Variants in ADARB2 observed in about 807,000 individuals in gnomAD.
ADARB2 encodes adenosine deaminase RNA specific B2 (inactive).
A neutral mutation model predicts 62.2 loss-of-function variants in ADARB2; 25 were observed. The ratio of observed to expected loss-of-function variants is 0.40; its 90% confidence interval spans 0.29 to 0.56. The LOEUF (loss-of-function observed/expected upper bound fraction) is 0.56. Among genes scored for constraint, ADARB2 ranks in the 20% least tolerant of loss-of-function variants. The pLI is 0.43. For synonymous variants in ADARB2, 572 were observed against 500.8 expected, an observed-to-expected ratio of 1.14 and a Z score of -1.90; for missense variants, 1,071 against 1,077.4, an observed-to-expected ratio of 0.99 and a Z score of 0.08.
At chr10:1,185,661 CAG>C (rs1389726210) in intron 8 of ADARB2, among the ~76,000 whole-genome samples, 1 of 152,204 alleles carries the variant, frequency 6.6e-6, no homozygotes, top group Non-Finnish European at 1.5e-5. Context: ...TTCATGATGA[CAG>C]TGGGGCGTTA....
chr10:1,619,150 A>G (rs551014538), intron 1 of ADARB2, among the ~76,000 whole-genome samples: 14 of 152,356 alleles, frequency 9.2e-5, no homozygotes, highest in Admixed American at 2.6e-4. Flanking sequence ...CAGCCATATC[A>G]TTAGTTGCAT....
intron 1 of ADARB2, among the ~76,000 whole-genome samples, chr10:1,597,052 C>T (rs550043017): frequency 6.6e-6 from 1 of 152,192 alleles, no homozygotes; most frequent in African/African-American, 2.4e-5. Context: ...GAACTACCGA[C>T]CACAGTATTA....
chr10:1,570,324 TC>T (rs1227025997), intron 1 of ADARB2, among the ~76,000 whole-genome samples: 4 of 152,194 alleles, frequency 2.6e-5, no homozygotes, highest in East Asian at 3.9e-4. Flanking sequence ...TTGCTGTCTC[TC>T]CCCCTTGGCG....
chr10:1,711,975 T>C (rs759179177), intron 1 of ADARB2, among the ~76,000 whole-genome samples: 4 of 152,252 alleles, frequency 2.6e-5, no homozygotes, highest in Non-Finnish European at 4.4e-5. Context: ...GGGTAGCTTA[T>C]TCATTTAATG....
intron 1 of ADARB2, among the ~76,000 whole-genome samples, chr10:1,544,151 T>C (rs1056848126): frequency 6.6e-6 from 1 of 152,138 alleles, no homozygotes; most frequent in Non-Finnish European, 1.5e-5. Flanking sequence ...AGGACGGTCA[T>C]GAAACCCCAT....
intron 3 of ADARB2, among the ~76,000 whole-genome samples, chr10:1,285,797 T>A (rs1008608069): frequency 6.6e-6 from 1 of 152,202 alleles, no homozygotes; most frequent in African/African-American, 2.4e-5. Flanking sequence ...ATATTTTGAA[T>A]GGCATGAATA....
At chr10:1,473,027 T>C (rs975257218) in intron 1 of ADARB2, among the ~76,000 whole-genome samples, 2 of 152,132 alleles carry the variant, frequency 1.3e-5, no homozygotes, top group South Asian at 4.1e-4. Flanking sequence ...GGCTCAGGCG[T>C]GCACATGTGG....
At chr10:1,229,676 G>A (rs1830781380) in intron 6 of ADARB2, among the ~76,000 whole-genome samples, 1 of 23,034 alleles carries the variant, frequency 4.3e-5, no homozygotes, top group Admixed American at 2.6e-4. Flanking sequence ...ATATGCTTAT[G>A]TATGTGTTTG....
In ADARB2 at chr10:1,495,349, T is replaced by C. The variant is rs542225331; in HGVS notation, c.101-116189A>G. ...CAAGTAGTTCACGTTCACATTTATT[T>C]ACAAAACTCCTCGGAGGGTTTCTGC... On this transcript the variant is annotated intron_variant, in intron 1 of 9. Coordinates refer to ENST00000381312, the MANE Select transcript of ADARB2 (RefSeq NM_018702.4). Among the ~76,000 whole-genome samples, 9 of 152,372 alleles carry C rather than the reference T, an allele frequency of 5.9e-5. 1 individual carries two copies. The South Asian group carries it at 1.9e-3, about 32-fold the overall frequency.
chr10:1,639,938 G>A (rs1168165172), intron 1 of ADARB2, among the ~76,000 whole-genome samples: 1 of 152,150 alleles, frequency 6.6e-6, no homozygotes, highest in African/African-American at 2.4e-5. Flanking sequence ...GCCATGACCT[G>A]CCCTTCTAAC....
At chr10:1,685,126 G>T (rs375236400) in intron 1 of ADARB2, among the ~76,000 whole-genome samples, 8 of 152,332 alleles carry the variant, frequency 5.3e-5, no homozygotes, top group African/African-American at 1.9e-4. Flanking sequence ...AATGAAGCCA[G>T]ATTCTCTTTC....
intron 1 of ADARB2, among the ~76,000 whole-genome samples, chr10:1,548,033 T>C (rs1832552716): frequency 6.6e-6 from 1 of 152,090 alleles, no homozygotes; most frequent in East Asian, 1.9e-4. Flanking sequence ...GAATTTCTGT[T>C]TTCCCTCTGG....
At chr10:1,201,090 G>C (rs978981410) in intron 7 of ADARB2, among the ~76,000 whole-genome samples, 7 of 152,138 alleles carry the variant, frequency 4.6e-5, no homozygotes, top group Non-Finnish European at 7.3e-5. Context: ...GATACCAATT[G>C]CTTTAAAAAG....
intron 1 of ADARB2, among the ~76,000 whole-genome samples, chr10:1,644,523 A>T (rs1834014849): frequency 6.6e-6 from 1 of 152,290 alleles, no homozygotes; most frequent in Non-Finnish European, 1.5e-5. Context: ...CAAAACGTGC[A>T]CATGCTGGTG....
chr10:1,384,426 A>T (rs991595411), intron 1 of ADARB2, among the ~76,000 whole-genome samples: 1 of 152,186 alleles, frequency 6.6e-6, no homozygotes, highest in Non-Finnish European at 1.5e-5. Context: ...TTGAGCCCAC[A>T]TCACAGTCCT....
intron 1 of ADARB2, among the ~76,000 whole-genome samples, chr10:1,644,304 C>A (rs371220050): frequency 6.6e-6 from 1 of 152,222 alleles, no homozygotes; most frequent in African/African-American, 2.4e-5. Context: ...TCAATGTCCC[C>A]GAGCTGCCAT....
Position 1,724,886 on chromosome 10 carries a change from C to T in ADARB2, c.100+12165G>A, listed in dbSNP as rs76345023. ...ACAGGTACTTGCTCTAACCTCTCCA[C>T]GCCAACGCTGTAAAATGAAGACAAT... On this transcript the variant is annotated intron_variant, in intron 1 of 9. Coordinates refer to ENST00000381312, the MANE Select transcript of ADARB2 (RefSeq NM_018702.4). Among the ~76,000 whole-genome samples, 189 of 152,276 alleles carry T rather than the reference C, an allele frequency of 1.2e-3. 3 individuals are homozygous for T. The East Asian group carries it at 0.031, about 25-fold the overall frequency.
At chr10:1,391,655 G>A (rs553831439) in intron 1 of ADARB2, among the ~76,000 whole-genome samples, 30 of 151,982 alleles carry the variant, frequency 2.0e-4, no homozygotes, top group East Asian at 9.7e-4. Context: ...CTTTTGGTGC[G>A]TGATGTTATG....
chr10:1,662,912 T>C (rs909270274), intron 1 of ADARB2, among the ~76,000 whole-genome samples: 2 of 152,178 alleles, frequency 1.3e-5, no homozygotes, highest in African/African-American at 4.8e-5. Context: ...TTTGTACACA[T>C]GTGGCCTGGG....
Sources: allele counts gnomAD v4.1 joint callset (sites outside exome capture counted in the v4.1 genomes callset), GRCh38; gene constraint gnomAD v4.1.1; transcripts MANE v1.5; gene names NCBI Gene and HGNC (gene_info 2026-07-23, HGNC 2026-07-21).